The following EDDM3A variants were observed in gnomAD, a reference collection of about 807,000 sequenced individuals.
EDDM3A encodes the protein epididymal secretory protein E3-alpha.
For missense variants in EDDM3A, 199 were observed against 177.4 expected (o/e 1.12, Z -0.69); for synonymous variants, 75 against 60.4 (o/e 1.24, Z -1.12).
chr14:20,743,574 G>A (rs554405609), upstream of EDDM3A, among the ~76,000 whole-genome samples: 3 of 152,016 alleles, frequency 2.0e-5, no homozygotes, highest in African/African-American at 7.2e-5. Flanking sequence ...ACATATCAAG[G>A]AATTAACAGA....
upstream of EDDM3A, among the ~76,000 whole-genome samples, chr14:20,741,511 C>T (rs1877433124): frequency 6.6e-6 from 1 of 152,156 alleles, no homozygotes; most frequent in Non-Finnish European, 1.5e-5. Context: ...ACGGACCCAC[C>T]ATAGGAGCCC....
chr14:20,746,760 G>A (rs1307911211), intron 1 of EDDM3A, among the ~76,000 whole-genome samples: 51 of 152,216 alleles, frequency 3.4e-4, no homozygotes, highest in Admixed American at 3.3e-3. Flanking sequence ...ATTTTTCAGA[G>A]AAGTGCAATT....
the EDDM3A span, among the ~76,000 whole-genome samples, chr14:20,739,787 G>T: frequency 2.0e-5 from 3 of 152,142 alleles, no homozygotes; most frequent in Non-Finnish European, 2.9e-5. Context: ...ATTGCATGCT[G>T]GTCCACTTGG....
chr14:20,737,054 C>CTTTTTTTTTTTT, the EDDM3A span, among the ~76,000 whole-genome samples: 1 of 109,968 alleles, frequency 9.1e-6, no homozygotes, highest in African/African-American at 3.1e-5. Flanking sequence ...TTTCTTTTTC[C>CTTTTTTTTTTTT]TTTTTTTTTT....
At chr14:20,738,647 C>A in the EDDM3A span, among the ~76,000 whole-genome samples, 1 of 152,036 alleles carries the variant, frequency 6.6e-6, no homozygotes, top group East Asian at 1.9e-4. Context: ...TTAGCTGGGG[C>A]CCCTATAAGA....
chr14:20,744,951 T>C (rs11626305), upstream of EDDM3A, among the ~76,000 whole-genome samples: 34,321 of 152,182 alleles, frequency 0.23, 4,127 homozygotes, highest in East Asian at 0.34. Context: ...CCTGACCAAG[T>C]GGCTCATGCC....
At chr14:20,737,054 C>CTTTT in the EDDM3A span, among the ~76,000 whole-genome samples, 1 of 109,964 alleles carries the variant, frequency 9.1e-6, no homozygotes, top group South Asian at 3.2e-4. Flanking sequence ...TTTCTTTTTC[C>CTTTT]TTTTTTTTTT....
At chr14:20,743,166 T>C (rs1366827862), upstream of EDDM3A, among the ~76,000 whole-genome samples, 1 of 152,192 alleles carries the variant, frequency 6.6e-6, no homozygotes, top group Non-Finnish European at 1.5e-5. Context: ...CCTATAGACG[T>C]TGTCATCCCC....
chr14:20,748,060 T>C lies in EDDM3A; in HGVS notation c.*36T>C, dbSNP rs80135347. The stretch of plus-strand genomic sequence containing the variant: ...CACATCCTCAGATATTGGTAGAGTA[T>C]TCAGTGCTTCCAAAGTGGTGGGCCC... On this transcript the variant is annotated 3_prime_UTR_variant, in exon 2 of 2. Transcript: ENST00000326842. 5.2e-3 allele frequency: 7,837 copies of C among 1,511,198 alleles called. 369 individuals are homozygous for C. The African/African-American group carries it at 0.098, about 19-fold the overall frequency. The allele number at this position is 1,511,198 out of a possible 1,614,324, so 93.6% of individuals were successfully genotyped here. A position where few individuals can be genotyped will look rare whatever the true frequency, so the allele number is the denominator to read the frequency against.
At chr14:20,739,219 A>G in the EDDM3A span, among the ~76,000 whole-genome samples, 1 of 152,238 alleles carries the variant, frequency 6.6e-6, no homozygotes, top group Non-Finnish European at 1.5e-5. Flanking sequence ...ATGGTAATTC[A>G]AAACAGTATA....
At chr14:20,744,614 T>C (rs538293526), upstream of EDDM3A, among the ~76,000 whole-genome samples, 2 of 152,170 alleles carry the variant, frequency 1.3e-5, no homozygotes, top group Non-Finnish European at 2.9e-5. Context: ...GTTGAAGAAG[T>C]TGTGGTCTTG....
upstream of EDDM3A, among the ~76,000 whole-genome samples, chr14:20,744,583 T>C (rs1358319355): frequency 2.0e-5 from 3 of 152,202 alleles, no homozygotes; most frequent in Non-Finnish European, 2.9e-5. Flanking sequence ...AAGGTAACCA[T>C]TGAACACTTG....
chr14:20,743,002 TG>T (rs1877483816), upstream of EDDM3A, among the ~76,000 whole-genome samples: 1 of 152,216 alleles, frequency 6.6e-6, no homozygotes, highest in Non-Finnish European at 1.5e-5. Context: ...TCTCAAGTGT[TG>T]GGATTACAGG....
upstream of EDDM3A, among the ~76,000 whole-genome samples, chr14:20,744,732 A>G (rs1877532477): frequency 6.6e-6 from 1 of 152,224 alleles, no homozygotes; most frequent in African/African-American, 2.4e-5. Context: ...GTAGCATTGT[A>G]GAAACTATGG....
intron 1 of EDDM3A, among the ~76,000 whole-genome samples, 182 bp downstream of exon 1, chr14:20,746,174 C>G (rs918886342): frequency 6.6e-6 from 1 of 152,172 alleles, no homozygotes; most frequent in African/African-American, 2.4e-5. Flanking sequence ...TCCTTCACCG[C>G]CAGTCCTCCT....
At chr14:20,740,601 A>G in the EDDM3A span, among the ~76,000 whole-genome samples, 6 of 152,206 alleles carry the variant, frequency 3.9e-5, no homozygotes, top group African/African-American at 1.2e-4. Flanking sequence ...AGGGACGTAC[A>G]GTGGAACTAT....
chr14:20,737,563 C>T, the EDDM3A span, among the ~76,000 whole-genome samples: 1 of 152,154 alleles, frequency 6.6e-6, no homozygotes, highest in Non-Finnish European at 1.5e-5. Context: ...AAGTTCAATG[C>T]ATGTTTGCCG....
the EDDM3A span, among the ~76,000 whole-genome samples, chr14:20,738,331 C>T: frequency 5.1e-4 from 78 of 152,000 alleles, 1 homozygote; most frequent in South Asian, 0.015. Context: ...ATTAGCCGGG[C>T]GTGGCGACAT....
upstream of EDDM3A, among the ~76,000 whole-genome samples, chr14:20,743,444 G>A (rs1195495478): frequency 1.3e-5 from 2 of 152,162 alleles, no homozygotes; most frequent in African/African-American, 2.4e-5. Flanking sequence ...CAGCTACGCA[G>A]AAGGCTGAGG....
Sources: allele counts gnomAD v4.1 joint callset (sites outside exome capture counted in the v4.1 genomes callset), GRCh38; gene constraint gnomAD v4.1.1; transcripts MANE v1.5; gene names NCBI Gene and HGNC (gene_info 2026-07-23, HGNC 2026-07-21).